Variants in LIN9 observed in about 807,000 individuals in gnomAD.
LIN9 encodes protein lin-9 homolog.
In LIN9, 18 loss-of-function variants were observed where a neutral mutation model predicts 78.0. The ratio of observed to expected loss-of-function variants is 0.23; its 90% CI spans 0.16 to 0.34. The LOEUF is 0.34. Ranked by LOEUF, LIN9 falls within the 10% of genes least tolerant of loss-of-function variation. The pLI is 1.00. For missense variants in LIN9, 451 were observed against 644.1 expected (o/e 0.70, Z 3.25); for synonymous variants, 192 against 215.2 (o/e 0.89, Z 0.94).
intron 10 of LIN9, among the ~76,000 whole-genome samples, chr1:226,256,154 G>C (rs944940818): frequency 6.6e-6 from 1 of 151,928 alleles, no homozygotes; most frequent in South Asian, 2.1e-4. Flanking sequence ...AGGCTAAGGC[G>C]GGCAGACTGC....
At chr1:226,293,530 C>T (rs1661924774) in intron 4 of LIN9, among the ~76,000 whole-genome samples, 1 of 152,206 alleles carries the variant, frequency 6.6e-6, no homozygotes, top group Non-Finnish European at 1.5e-5. Flanking sequence ...CCAAGAAATG[C>T]ACACTGCATT....
At chr1:226,250,443 G>A (rs1658761372) in intron 11 of LIN9, among the ~76,000 whole-genome samples, 1 of 152,160 alleles carries the variant, frequency 6.6e-6, no homozygotes, top group African/African-American at 2.4e-5. Context: ...TACAGTCAAT[G>A]GCATAATGAG....
chr1:226,272,255 C>A (rs1660329084), intron 7 of LIN9, among the ~76,000 whole-genome samples: 1 of 151,870 alleles, frequency 6.6e-6, no homozygotes, highest in South Asian at 2.1e-4. Flanking sequence ...GGGGTTTCAC[C>A]ATGTTGGCCA....
chr1:226,306,457 A>C (rs1240960899), intron 1 of LIN9, among the ~76,000 whole-genome samples: 2 of 152,154 alleles, frequency 1.3e-5, no homozygotes, highest in African/African-American at 4.8e-5. Context: ...ACTGAGGTGG[A>C]TTTTAAACCT....
rs1473557077 is a variant in LIN9, at chr1:226,231,181, A to C, written c.*1320T>G. The C allele has an allele frequency of 6.6e-6, 1 of 152,642 alleles. No individual in the cohort carries two copies. Among genetic ancestry groups the C allele is most frequent in the Non-Finnish European group, 1.5e-5 (1 of 68,030 alleles). The allele number at this position is 152,642 out of a possible 1,614,324, so 9.5% of individuals were successfully genotyped here. ...ATAATTTTCATAGATCAATTTATTT[A>C]GAATTACAAATATTAAGAATAGAAG... On this transcript the variant is annotated 3_prime_UTR_variant, in exon 15 of 15. Coordinates refer to ENST00000681046, the MANE Select transcript of LIN9 (RefSeq NM_001366245.2).
chr1:226,247,142 G>A (rs1186634241), intron 11 of LIN9, among the ~76,000 whole-genome samples: 8 of 151,786 alleles, frequency 5.3e-5, no homozygotes, highest in East Asian at 3.9e-4. Context: ...TGTATCCACC[G>A]AGTTCTTAAT....
At chr1:226,289,859 G>C (rs1661638305) in intron 4 of LIN9, among the ~76,000 whole-genome samples, 3 of 100,914 alleles carry the variant, frequency 3.0e-5, no homozygotes, top group Admixed American at 1.2e-4. Flanking sequence ...GGGGGGGTGG[G>C]AAAGCTAGGT....
In LIN9 at chr1:226,240,535, C is replaced by T. The variant is rs185156710; in HGVS notation, c.1120-1439G>A. ...TCTCAAGTAGGTGGGACTACAGGTG[C>T]GTGCCATCACACCTGGCTAATTGTT... On this transcript the variant is annotated intron_variant, in intron 11 of 14. Coordinates refer to ENST00000681046, the MANE Select transcript of LIN9 (RefSeq NM_001366245.2). 2.7e-3 allele frequency among the ~76,000 whole-genome samples: 404 copies of T among 152,078 alleles called. 1 individual carries two copies. Among genetic ancestry groups the T allele is most frequent in the African/African-American group, 9.2e-3 (380 of 41,494 alleles).
chr1:226,272,197 C>T (rs1196014295), intron 7 of LIN9, among the ~76,000 whole-genome samples: 1 of 151,914 alleles, frequency 6.6e-6, no homozygotes, highest in South Asian at 2.1e-4. Flanking sequence ...GCTGGGATTA[C>T]AGGCACGTGC....
In LIN9 at chr1:226,307,361, G is replaced by A. The variant is rs115173524; in HGVS notation, c.31+1748C>T. On this transcript the variant is annotated intron_variant, in intron 1 of 14. Coordinates refer to ENST00000681046, the MANE Select transcript of LIN9 (RefSeq NM_001366245.2). Reference sequence around the variant, plus strand: ...CTAAGTCACAATCAAGACCAGCTGCGGTGGCTCACGCCTGTAATCCCAGCA... The same window carrying A: ...CTAAGTCACAATCAAGACCAGCTGCAGTGGCTCACGCCTGTAATCCCAGCA... 7.2e-3 allele frequency among the ~76,000 whole-genome samples: 1,098 copies of A among 152,314 alleles called. 10 individuals are homozygous for A. Among genetic ancestry groups the A allele is most frequent in the African/African-American group, 0.025 (1,043 of 41,556 alleles).
chr1:226,296,787 G>A (rs1434986674), intron 3 of LIN9, among the ~76,000 whole-genome samples: 5 of 152,030 alleles, frequency 3.3e-5, no homozygotes, highest in East Asian at 1.9e-4. Context: ...TTGGAAGGCC[G>A]AGGCAGGAGG....
chr1:226,281,071 G>T (rs1438763410), intron 6 of LIN9, among the ~76,000 whole-genome samples: 1 of 152,104 alleles, frequency 6.6e-6, no homozygotes, highest in African/African-American at 2.4e-5. Flanking sequence ...ATGCACAATG[G>T]AATCTTATTC....
At chr1:226,261,003 A>G (rs1205427605) in intron 10 of LIN9, among the ~76,000 whole-genome samples, 5 of 151,944 alleles carry the variant, frequency 3.3e-5, no homozygotes, top group Admixed American at 6.6e-5. Context: ...ATTAATTAAT[A>G]TAATCCATCA....
chr1:226,302,595 T>C (rs1576363877), intron 1 of LIN9, among the ~76,000 whole-genome samples: 1 of 146,262 alleles, frequency 6.8e-6, no homozygotes, highest in South Asian at 2.2e-4. Flanking sequence ...TTTTTGAGAG[T>C]GAGAAAGCAC....
At chr1:226,270,168 C>T (rs1024584187) in intron 7 of LIN9, among the ~76,000 whole-genome samples, 73 of 152,162 alleles carry the variant, frequency 4.8e-4, no homozygotes, top group African/African-American at 1.6e-3. Context: ...TCAGGTGATC[C>T]GCCCGCCTCA....
At chr1:226,267,160 T>C (rs1373154775) in intron 8 of LIN9, among the ~76,000 whole-genome samples, 1 of 151,410 alleles carries the variant, frequency 6.6e-6, no homozygotes, top group African/African-American at 2.4e-5. Context: ...CTGTTCTACA[T>C]TTAGTTCTAA....
intron 2 of LIN9, among the ~76,000 whole-genome samples, chr1:226,299,529 G>A (rs867677703): frequency 1.3e-5 from 2 of 151,100 alleles, no homozygotes; most frequent in African/African-American, 4.9e-5. Context: ...AAAAGGCAGG[G>A]GGGAGAGAAA....
At chr1:226,245,284 C>T (rs1658398117) in intron 11 of LIN9, among the ~76,000 whole-genome samples, 1 of 152,186 alleles carries the variant, frequency 6.6e-6, no homozygotes, top group African/African-American at 2.4e-5. Flanking sequence ...TGATTGGACA[C>T]AGGAGACTGA....
intron 11 of LIN9, among the ~76,000 whole-genome samples, chr1:226,245,935 T>A (rs1231856657): frequency 6.6e-6 from 1 of 152,242 alleles, no homozygotes; most frequent in Non-Finnish European, 1.5e-5. Flanking sequence ...AATATTCATC[T>A]TTTACTATTA....
Sources: allele counts gnomAD v4.1 joint callset (sites outside exome capture counted in the v4.1 genomes callset), GRCh38; gene constraint gnomAD v4.1.1; transcripts MANE v1.5; gene names NCBI Gene and HGNC (gene_info 2026-07-23, HGNC 2026-07-21).